Variants in AGPAT5 observed in about 807,000 individuals in gnomAD.
AGPAT5 encodes the protein 1-acylglycerol-3-phosphate O-acyltransferase 5, also known as 1-acyl-sn-glycerol-3-phosphate acyltransferase epsilon.
A neutral mutation model predicts 45.6 loss-of-function variants in AGPAT5; 46 were observed. The ratio of observed to expected loss-of-function variants is 1.01; its 90% CI spans 0.80 to 1.29. The LOEUF is 1.29. Among genes scored for constraint, AGPAT5 ranks in the 50% most tolerant of loss-of-function variants. The pLI, the probability that AGPAT5 is intolerant of heterozygous loss-of-function variation, is 0.00. For synonymous variants in AGPAT5, 272 were observed against 167.0 expected (o/e 1.63, Z -4.85); for missense variants, 673 against 450.7 (o/e 1.49, Z -4.47).
chr8:6,712,270 GTT>G (rs559695817), intron 1 of AGPAT5, among the ~76,000 whole-genome samples: 82 of 152,056 alleles, frequency 5.4e-4, no homozygotes, highest in African/African-American at 1.8e-3. Flanking sequence ...TTGATTAACT[GTT>G]TTATTTTCGG....
chr8:6,711,604 TG>T (rs1281220623), intron 1 of AGPAT5, among the ~76,000 whole-genome samples: 1 of 152,264 alleles, frequency 6.6e-6, no homozygotes, highest in East Asian at 1.9e-4. Flanking sequence ...GTTACTTTCC[TG>T]TGCTGCCAAA....
intron 1 of AGPAT5, among the ~76,000 whole-genome samples, chr8:6,722,617 G>A (rs1192827286): frequency 6.6e-6 from 1 of 152,196 alleles, no homozygotes; most frequent in East Asian, 1.9e-4. Context: ...CAGTTTATAT[G>A]TCATGGGAGC....
intron 4 of AGPAT5, among the ~76,000 whole-genome samples, chr8:6,734,912 G>T (rs928578408): frequency 6.6e-6 from 1 of 152,044 alleles, no homozygotes; most frequent in Admixed American, 6.5e-5. Context: ...CTTTTCCTCA[G>T]TGTCTATTTC....
chr8:6,727,962 C>G (rs1800742288), intron 2 of AGPAT5, among the ~76,000 whole-genome samples: 1 of 152,180 alleles, frequency 6.6e-6, no homozygotes, highest in African/African-American at 2.4e-5. Context: ...TGGTAGCGTA[C>G]CTGGCTCATA....
chr8:6,709,207 A>T (rs761248030), intron 1 of AGPAT5: 22 of 405,962 alleles, frequency 5.4e-5, no homozygotes, highest in Non-Finnish European at 6.9e-5. Flanking sequence ...CGCGTTTAGC[A>T]GTTTCTGGCC....
chr8:6,740,555 A>C lies in AGPAT5; in HGVS notation c.496-1106A>C, dbSNP rs1317420417. Among the ~76,000 whole-genome samples the C allele has an allele frequency of 2.0e-5, 3 of 150,558 alleles. No homozygotes were observed. In the East Asian group the frequency reaches 5.8e-4, roughly 29 times the overall value. Reference sequence around the variant, plus strand: ...AAAGATACATATAATATTATCTGTTAATTTCTAAGTTAGGTGTGGGTTCTG... The same window carrying C: ...AAAGATACATATAATATTATCTGTTCATTTCTAAGTTAGGTGTGGGTTCTG... On this transcript the variant is annotated intron_variant, in intron 4 of 7. Coordinates refer to ENST00000285518, the MANE Select transcript of AGPAT5 (RefSeq NM_018361.5).
intron 1 of AGPAT5, 29 bp downstream of exon 1, chr8:6,708,916 G>A (rs1489487183): frequency 1.3e-6 from 2 of 1,582,944 alleles, no homozygotes; most frequent in African/African-American, 1.3e-5. Flanking sequence ...CCGGGTCTCG[G>A]CGTCCACCCG....
rs202019374 is a variant in AGPAT5 at position 6,747,652 on chromosome 8, C to T, written c.587-18C>T. On this transcript the variant is annotated intron_variant, in intron 5 of 7. Transcript: ENST00000285518. ...GTGTTTTGTAACTAATTAATGACGGCACTGAATTGACTTCTAGGCCTTGCA... is the reference window on the plus strand; with the variant it reads ...GTGTTTTGTAACTAATTAATGACGGTACTGAATTGACTTCTAGGCCTTGCA... 116 of 1,601,358 alleles carry T rather than the reference C, an allele frequency of 7.2e-5. No homozygotes were observed. Among genetic ancestry groups the T allele is most frequent in the Non-Finnish European group, 9.5e-5 (111 of 1,171,652 alleles).
chr8:6,731,111 C>T (rs1371638829), intron 3 of AGPAT5, among the ~76,000 whole-genome samples: 1 of 152,082 alleles, frequency 6.6e-6, no homozygotes, highest in Non-Finnish European at 1.5e-5. Flanking sequence ...ATCTGCCTGT[C>T]TCAGCCTACC....
chr8:6,753,929 A>C (rs1009312302), intron 6 of AGPAT5, among the ~76,000 whole-genome samples: 1 of 152,326 alleles, frequency 6.6e-6, no homozygotes, highest in East Asian at 1.9e-4. Flanking sequence ...GAGAGTACTT[A>C]GCAAAAACGG....
At chr8:6,746,546 T>C (rs1349865891) in intron 5 of AGPAT5, among the ~76,000 whole-genome samples, 1 of 152,206 alleles carries the variant, frequency 6.6e-6, no homozygotes, top group African/African-American at 2.4e-5. Flanking sequence ...TGTTAACTAG[T>C]TTAACTGACA....
At position 6,747,683 on chromosome 8, in the gene AGPAT5, A is replaced by G. The variant is rs1457344923; in HGVS notation, c.600A>G (p.Leu200=). The G allele has an allele frequency of 6.2e-7, 1 of 1,613,944 alleles. No homozygotes were observed. Among genetic ancestry groups the G allele is most frequent in the South Asian group, 1.1e-5 (1 of 91,052 alleles). The stretch of plus-strand genomic sequence containing the variant: ...ATTGACTTCTAGGCCTTGCAGTATT[A>G]AAACATGTGCTAACACCACGAATAA... ...AFAAQRGLAV[L]KHVLTPRIKA... is the part of the protein sequence containing the mutation. The change falls in exon 6 of 8, where the codon TTA becomes TTG. Residue 200 remains leucine, a synonymous_variant. Transcript: ENST00000285518.
intron 1 of AGPAT5, among the ~76,000 whole-genome samples, chr8:6,721,521 T>C (rs963147356): frequency 6.6e-6 from 1 of 152,248 alleles, no homozygotes; most frequent in African/African-American, 2.4e-5. Flanking sequence ...TTCACTGATT[T>C]CACTACAATC....
intron 5 of AGPAT5, among the ~76,000 whole-genome samples, chr8:6,743,336 C>G (rs1413952850): frequency 6.6e-6 from 1 of 152,244 alleles, no homozygotes; most frequent in African/African-American, 2.4e-5. Context: ...CCATGTCTCT[C>G]TGCCTAACTC....
At chr8:6,754,245 G>A (rs1328457406) in intron 6 of AGPAT5, among the ~76,000 whole-genome samples, 3 of 152,104 alleles carry the variant, frequency 2.0e-5, no homozygotes, top group Non-Finnish European at 4.4e-5. Flanking sequence ...TGCAATCGAG[G>A]CTGAAAAAGA....
chr8:6,748,882 A>G (rs1351506788), intron 6 of AGPAT5, among the ~76,000 whole-genome samples: 2 of 152,312 alleles, frequency 1.3e-5, no homozygotes, highest in East Asian at 1.9e-4. Context: ...AGCCTCCAGC[A>G]CGTTTTACAT....
Position 6,724,878 on chromosome 8 carries a change from A to T in AGPAT5, c.228A>T (p.Leu76=), listed in dbSNP as rs763026535. The T allele has an allele frequency of 1.1e-5, 12 of 1,048,068 alleles. No homozygotes were observed. The highest frequency in any genetic ancestry group is 1.4e-5 in the Non-Finnish European group (11 of 772,792). 64.9% of individuals were successfully genotyped at this position (1,048,068 alleles called of 1,614,324 possible). The change falls in exon 2 of 8, where the codon CTA becomes CTT. Residue 76 remains leucine (L), a synonymous_variant. Transcript: ENST00000285518. The part of the protein sequence containing the change: ...FENYTGVQIL[L]YGDLPKNKEN... ...TTTGTTTTATCTTTTAGATATTGCTATATGGAGATTTGCCAAAAAATAAAG... is the reference window on the plus strand; with the variant it reads ...TTTGTTTTATCTTTTAGATATTGCTTTATGGAGATTTGCCAAAAAATAAAG...
rs564227168 is a variant in AGPAT5 at position 6,734,789 on chromosome 8, C to T, written c.495+2139C>T. ...TTAGTGTTGAGGAGTGGAGTCAGTC[C>T]ACTGAGGAGGTGCACTGCATTTGGG... On this transcript the variant is annotated intron_variant, in intron 4 of 7. Coordinates refer to ENST00000285518, the MANE Select transcript of AGPAT5 (RefSeq NM_018361.5). Among the ~76,000 whole-genome samples the T allele has an allele frequency of 1.1e-4, 17 of 152,060 alleles. 1 individual carries two copies. In the East Asian group the frequency reaches 3.3e-3, roughly 30 times the overall value.
chr8:6,755,798 A>T lies in AGPAT5; in HGVS notation c.869+624A>T, dbSNP rs533102981. Among the ~76,000 whole-genome samples the T allele has an allele frequency of 2.0e-5, 3 of 152,280 alleles. No individual in the cohort carries two copies. The East Asian group carries it at 5.8e-4, about 29-fold the overall frequency. ...GTTTTTAATTAACCCTCCTGGGTTA[A>T]CTTTACCAGGTGAAAATGATTAAAA... is the stretch of plus-strand genomic sequence containing the variant. On this transcript the variant is annotated intron_variant, in intron 7 of 7. Transcript: ENST00000285518.
Sources: gnomAD v4.1 joint callset for allele counts (sites outside exome capture counted in the v4.1 genomes callset) on GRCh38, gnomAD v4.1.1 for gene constraint, MANE v1.5 for transcripts, NCBI Gene and HGNC (gene_info 2026-07-23, HGNC 2026-07-21) for gene names.